NOLC1: variants seen among roughly 807,000 people sequenced by gnomAD.
The protein encoded by NOLC1 is nucleolar and coiled-body phosphoprotein 1.
A neutral mutation model predicts 73.4 loss-of-function variants in NOLC1; 37 were observed. The observed-to-expected ratio is 0.50, with a 90% CI of 0.39 to 0.66. The LOEUF (loss-of-function observed/expected upper bound fraction) is 0.66. NOLC1 is among the 30% of genes least tolerant of loss of function. The probability of loss-of-function intolerance (pLI) is 0.00; values close to 1 mark genes in which losing one functional copy is unlikely to be tolerated. For missense variants in NOLC1, 921 were observed against 838.9 expected, an observed-to-expected ratio of 1.10 and a Z score of -1.21; for synonymous variants, 327 against 302.6, an observed-to-expected ratio of 1.08 and a Z score of -0.84.
At chr10:102,161,744 G>T in intron 11 of NOLC1, 82 bp downstream of exon 11, 1 of 1,528,700 alleles carries the variant, frequency 6.5e-7, no homozygotes, top group Non-Finnish European at 9.0e-7. Flanking sequence ...TCTGCCTGGC[G>T]TGACCTGGTA....
At position 102,159,242 on chromosome 10, in the gene NOLC1, TAGCAGCAGCAGC is replaced by T. The variant is rs769073948; in HGVS notation, c.663_674del (p.Ser224_Ser227del). ...ATGGTAAAGCAGCCAGTAGCAGCAG[TAGCAGCAGCAGC>T]AGCAGTAGCAGTGATGACTCAGAGG... On this transcript the variant is annotated inframe_deletion, in exon 6 of 13. Transcript: ENST00000605788. 6 of 1,612,878 alleles carry T rather than the reference TAGCAGCAGCAGC, an allele frequency of 3.7e-6. No homozygotes were observed. The South Asian group carries it at 4.4e-5, about 12-fold the overall frequency.
chr10:102,156,120 G>A (rs1358126043), intron 1 of NOLC1, among the ~76,000 whole-genome samples: 6 of 152,236 alleles, frequency 3.9e-5, no homozygotes, highest in African/African-American at 7.2e-5. Context: ...GATTATAGGC[G>A]TGAGCCACTG....
chr10:102,161,520 C>T (rs972653202), intron 10 of NOLC1, 36 bp from the exon 11 acceptor site: 1 of 1,528,460 alleles, frequency 6.5e-7, no homozygotes, highest in Non-Finnish European at 9.0e-7. Context: ...TTGTGAGCCA[C>T]TGTACTCGGC....
At position 102,162,102 on chromosome 10, in the gene NOLC1, A is replaced by G; in HGVS notation, c.1942-9A>G. The stretch of plus-strand genomic sequence containing the variant: ...CTCCTCTGTGTTAATCTCCCTCTCT[A>G]CTTACCAGCGAGGTGCAGCCGGAGA... On this transcript the variant is annotated splice_polypyrimidine_tract_variant and intron_variant, in intron 12 of 12. Coordinates refer to ENST00000605788, the MANE Select transcript of NOLC1 (RefSeq NM_004741.5). 1.2e-6 allele frequency: 2 copies of G among 1,613,244 alleles called. No individual in the cohort carries two copies. The highest frequency in any genetic ancestry group is 1.7e-6 in the Non-Finnish European group (2 of 1,179,814).
chr10:102,158,371 TAAC>T (rs1354758274), intron 5 of NOLC1, among the ~76,000 whole-genome samples, 157 bp downstream of exon 5: 7 of 152,254 alleles, frequency 4.6e-5, no homozygotes, highest in Middle Eastern at 3.4e-3. Context: ...TACTAATAAA[TAAC>T]AAGATTTCAT....
rs2069608646 is a variant in NOLC1, at chr10:102,157,055, A to G, written c.157A>G (p.Ile53Val). 6.2e-7 allele frequency: 1 copy of G among 1,614,010 alleles called. No individual in the cohort carries two copies. The highest frequency in any genetic ancestry group is 8.5e-7 in the Non-Finnish European group (1 of 1,180,016). Residue 53 changes from isoleucine to valine, a missense_variant, in exon 2 of 13, where the codon ATC (isoleucine) becomes GTC (valine). Physicochemically the swap from Ile to Val is conservative, Grantham distance 29. Coordinates refer to ENST00000605788, the MANE Select transcript of NOLC1 (RefSeq NM_004741.5). ...QDANASSLLD[I>V]YSFWLKSAKV... ...TGCCAATGCCTCTTCCCTCTTAGAC[A>G]TCTATAGCTTCTGGCTCAAGTAAGC... is the stretch of plus-strand genomic sequence containing the variant.
intron 1 of NOLC1, among the ~76,000 whole-genome samples, chr10:102,154,675 C>A (rs2069560763): frequency 6.6e-6 from 1 of 152,034 alleles, no homozygotes; most frequent in Non-Finnish European, 1.5e-5. Flanking sequence ...ATTACAGGCG[C>A]CCGCCTCCAC....
At chr10:102,159,598 G>A (rs759067746) in intron 7 of NOLC1, 30 bp downstream of exon 7, 1 of 1,607,442 alleles carries the variant, frequency 6.2e-7, no homozygotes, top group East Asian at 2.2e-5. Flanking sequence ...GAAGCTGTGT[G>A]ACTGTGGTCA....
rs779299614 is a variant in NOLC1 at position 102,152,394 on chromosome 10, C to T, written c.-17C>T. ...CGTGCTGCGTCGACAACGGTAGTGA[C>T]GCGTATTGCCTGGAGGATGGCGGAC... On this transcript the variant is annotated 5_prime_UTR_variant, in exon 1 of 13. In the 5' UTR this introduces an upstream ATG that the reference lacks. Transcript: ENST00000605788. 1.9e-6 allele frequency: 3 copies of T among 1,607,074 alleles called. No individual in the cohort carries two copies. The highest frequency in any genetic ancestry group is 1.7e-6 in the Non-Finnish European group (2 of 1,179,990).
intron 10 of NOLC1, 69 bp downstream of exon 10, chr10:102,161,162 A>G (rs2069703569): frequency 6.8e-7 from 1 of 1,479,134 alleles, no homozygotes; most frequent in Admixed American, 2.3e-5. Flanking sequence ...ACTCTTTGAG[A>G]GTAGGGTAGT....
Position 102,157,622 on chromosome 10 carries a change from C to A in NOLC1, c.441+67C>A. 2 of 1,548,736 alleles carry A rather than the reference C, an allele frequency of 1.3e-6. 1 individual carries two copies. Among genetic ancestry groups the A allele is most frequent in the South Asian group, 2.4e-5 (2 of 82,042 alleles). On this transcript the variant is annotated intron_variant, in intron 4 of 12. Transcript: ENST00000605788. ...AGGAAGAAACCTAAAATCTTGGCCT[C>A]TAGCTTGTAACCAAGGGGTGATGGC...
Position 102,156,810 on chromosome 10 carries a change from C to T in NOLC1, c.121-209C>T, listed in dbSNP as rs754954557. Among the ~76,000 whole-genome samples, 4 of 151,926 alleles carry T rather than the reference C, an allele frequency of 2.6e-5. No individual in the cohort carries two copies. The East Asian group carries it at 5.8e-4, about 22-fold the overall frequency. On this transcript the variant is annotated intron_variant, in intron 1 of 12. Coordinates refer to ENST00000605788, the MANE Select transcript of NOLC1 (RefSeq NM_004741.5). Reference sequence around the variant, plus strand: ...AGGGGGTTAGATGGTTAGATGGTGCCGCAAACATAGGAGTAGCCCGTTTTT... The same window carrying T: ...AGGGGGTTAGATGGTTAGATGGTGCTGCAAACATAGGAGTAGCCCGTTTTT...
At chr10:102,156,934 G>C (rs974064789) in intron 1 of NOLC1, 85 bp from the exon 2 acceptor site, 32 of 1,240,666 alleles carry the variant, frequency 2.6e-5, no homozygotes, top group Non-Finnish European at 3.6e-5. Flanking sequence ...ACCAAATTTA[G>C]TAATTATGTA....
At chr10:102,155,455 T>G (rs1259813924) in intron 1 of NOLC1, among the ~76,000 whole-genome samples, 2 of 150,976 alleles carry the variant, frequency 1.3e-5, no homozygotes, top group African/African-American at 4.9e-5. Flanking sequence ...ACTCCTGTCC[T>G]TAAGTGATCC....
intron 7 of NOLC1, 32 bp downstream of exon 7, chr10:102,159,600 CTG>C (rs758154448): frequency 2.5e-6 from 4 of 1,605,922 alleles, no homozygotes; most frequent in Non-Finnish European, 3.4e-6. Context: ...AGCTGTGTGA[CTG>C]TGGTCAGGGC....
rs201347312 is a variant in NOLC1, at chr10:102,157,042, T to C, written c.144T>C (p.Ser48=). The C allele has an allele frequency of 6.2e-7, 1 of 1,614,204 alleles. No individual in the cohort carries two copies. Among genetic ancestry groups the C allele is most frequent in the Non-Finnish European group, 8.5e-7 (1 of 1,180,020 alleles). ...TGATQQDANA[S]SLLDIYSFWL... is the part of the protein sequence containing the mutation. ...AGACACAGCAGGATGCCAATGCCTC[T>C]TCCCTCTTAGACATCTATAGCTTCT... The change falls in exon 2 of 13, where the codon TCT becomes TCC. Residue 48 remains serine (S), a synonymous_variant. Transcript: ENST00000605788.
Position 102,162,430 on chromosome 10 carries a change from T to C in NOLC1, c.*161T>C, listed in dbSNP as rs2069730228. On this transcript the variant is annotated 3_prime_UTR_variant, in exon 13 of 13. Coordinates refer to ENST00000605788, the MANE Select transcript of NOLC1 (RefSeq NM_004741.5). ...AGTGTAACATCCTCTCTGGTCCTTT[T>C]CTGTGTTCCTAGTTTTGTACAGACT... 3 of 607,138 alleles carry C rather than the reference T, an allele frequency of 4.9e-6. No homozygotes were observed. Among genetic ancestry groups the C allele is most frequent in the Non-Finnish European group, 8.0e-6 (3 of 373,378 alleles). 37.6% of individuals were successfully genotyped at this position (607,138 alleles called of 1,614,324 possible). A position where few individuals can be genotyped will look rare whatever the true frequency, so the allele number is the denominator to read the frequency against.
chr10:102,158,237 G>C (rs941427313), intron 5 of NOLC1, 23 bp downstream of exon 5: 1 of 1,610,268 alleles, frequency 6.2e-7, no homozygotes, highest in Admixed American at 1.7e-5. Context: ...TTCCCAAGAG[G>C]CTGGGCTGGG....
At chr10:102,161,352 T>A (rs761682754) in intron 10 of NOLC1, among the ~76,000 whole-genome samples, 13 of 151,874 alleles carry the variant, frequency 8.6e-5, no homozygotes, top group Non-Finnish European at 1.6e-4. Flanking sequence ...CACCCCAGCC[T>A]CCTGAGTAGC....
Sources: allele counts gnomAD v4.1 joint callset (sites outside exome capture counted in the v4.1 genomes callset), GRCh38; gene constraint gnomAD v4.1.1; transcripts MANE v1.5; gene names NCBI Gene and HGNC (gene_info 2026-07-23, HGNC 2026-07-21).